Variants in SGCD observed in about 807,000 individuals in gnomAD.
The protein encoded by SGCD is delta-sarcoglycan.
In SGCD, 18 loss-of-function variants were observed where a neutral mutation model predicts 36.6. The observed-to-expected ratio is 0.49, with a 90% CI of 0.34 to 0.73. The LOEUF is 0.73. SGCD is among the 30% of genes least tolerant of loss of function. SGCD has a pLI of 0.01. For missense variants in SGCD, 387 were observed against 346.7 expected (o/e 1.12, Z -0.92); for synonymous variants, 133 against 130.6 (o/e 1.02, Z -0.12).
intron 3 of SGCD, chr5:156,393,625 T>C (rs1216716603): frequency 2.4e-6 from 1 of 418,498 alleles, no homozygotes; most frequent in Non-Finnish European, 4.9e-6. Flanking sequence ...AGGTTGAAAT[T>C]GGCCATAGTG....
chr5:156,263,559 C>G (rs1765923302), intron 3 of SGCD, among the ~76,000 whole-genome samples: 2 of 152,018 alleles, frequency 1.3e-5, no homozygotes, highest in Admixed American at 1.3e-4. Context: ...CTTTATTTTG[C>G]TGATTGTTTC....
intron 3 of SGCD, among the ~76,000 whole-genome samples, chr5:156,229,297 T>TATACATATATATATATATATATATAA (rs1554085621): frequency 1.7e-5 from 2 of 119,880 alleles, no homozygotes; most frequent in Non-Finnish European, 3.4e-5. Context: ...TATATATATA[T>TATACATATATATATATATATATATAA]ATAAAATTAG....
At chr5:156,100,993 G>A (rs1156883219) in intron 1 of SGCD, among the ~76,000 whole-genome samples, 1 of 152,132 alleles carries the variant, frequency 6.6e-6, no homozygotes, top group African/African-American at 2.4e-5. Context: ...TAGGCCTGGA[G>A]AGTGGAGCCC....
chr5:156,265,326 T>C (rs907686823), intron 3 of SGCD, among the ~76,000 whole-genome samples: 5 of 152,244 alleles, frequency 3.3e-5, no homozygotes, highest in South Asian at 2.1e-4. Context: ...GTATTAGTGA[T>C]GGATAGGAAG....
intron 3 of SGCD, among the ~76,000 whole-genome samples, chr5:156,169,883 C>A (rs1763301907): frequency 1.3e-5 from 2 of 152,100 alleles, no homozygotes; most frequent in Non-Finnish European, 2.9e-5. Flanking sequence ...GGCATTCACA[C>A]CATAGAGAGC....
chr5:156,394,165 T>C (rs986855821), intron 3 of SGCD, among the ~76,000 whole-genome samples: 3 of 152,176 alleles, frequency 2.0e-5, no homozygotes, highest in African/African-American at 7.2e-5. Flanking sequence ...GATTTAGTCA[T>C]GTCTGGATCA....
At chr5:156,090,146 G>T (rs1290787733) in intron 1 of SGCD, among the ~76,000 whole-genome samples, 1 of 152,054 alleles carries the variant, frequency 6.6e-6, no homozygotes, top group East Asian at 1.9e-4. Context: ...TGGAGGCCTG[G>T]GTAGGCACAG....
At chr5:155,796,167 A>G in the SGCD span, among the ~76,000 whole-genome samples, 1 of 152,220 alleles carries the variant, frequency 6.6e-6, no homozygotes. Context: ...CCAAGTGTGT[A>G]CAAATCATCA....
intron 1 of SGCD, among the ~76,000 whole-genome samples, chr5:156,048,799 C>A (rs1224466059): frequency 2.0e-5 from 3 of 152,034 alleles, no homozygotes; most frequent in African/African-American, 4.8e-5. Context: ...ATGGTAGTTT[C>A]TTTTGCTGCG....
chr5:156,412,596 G>A (rs1221165862), intron 3 of SGCD, among the ~76,000 whole-genome samples: 1 of 152,148 alleles, frequency 6.6e-6, no homozygotes, highest in Non-Finnish European at 1.5e-5. Context: ...AGTCTTACTT[G>A]TAACAAACAT....
intron 7 of SGCD, among the ~76,000 whole-genome samples, chr5:156,737,085 A>G (rs1581500576): frequency 6.6e-6 from 1 of 152,346 alleles, no homozygotes; most frequent in Middle Eastern, 3.4e-3. Flanking sequence ...TATCCAATAG[A>G]TAACCATTTA....
chr5:156,009,871 G>A (rs548813104), intron 1 of SGCD, among the ~76,000 whole-genome samples: 2 of 152,258 alleles, frequency 1.3e-5, no homozygotes, highest in South Asian at 4.1e-4. Flanking sequence ...CCTTTGAAAT[G>A]CGCATCCTCA....
At chr5:156,498,660 C>T (rs1756308310) in intron 3 of SGCD, among the ~76,000 whole-genome samples, 1 of 152,156 alleles carries the variant, frequency 6.6e-6, no homozygotes, top group East Asian at 1.9e-4. Flanking sequence ...TTTACTTATC[C>T]ATTCATCAGT....
At chr5:156,662,019 C>CT (rs1763953827) in intron 7 of SGCD, among the ~76,000 whole-genome samples, 1 of 131,860 alleles carries the variant, frequency 7.6e-6, no homozygotes, top group Non-Finnish European at 1.6e-5. Context: ...GGGATCTATT[C>CT]TATTTATTTG....
intron 1 of SGCD, among the ~76,000 whole-genome samples, chr5:156,075,604 A>T (rs1760756341): frequency 6.6e-6 from 1 of 152,200 alleles, no homozygotes; most frequent in South Asian, 2.1e-4. Context: ...GATATTTTAT[A>T]ATGGTTAATA....
intron 7 of SGCD, among the ~76,000 whole-genome samples, chr5:156,755,974 G>A (rs1757320324): frequency 6.6e-6 from 1 of 152,134 alleles, no homozygotes; most frequent in Admixed American, 6.5e-5. Context: ...GGATCTTACT[G>A]GTCAGCTTGC....
At chr5:156,604,719 GCACATTATATATGTATATATACATATATA>G (rs1158852878) in intron 6 of SGCD, among the ~76,000 whole-genome samples, 3 of 23,466 alleles carry the variant, frequency 1.3e-4, no homozygotes, top group African/African-American at 2.1e-4. Context: ...TGAAATATAT[GCACATTATATATGTATATATACATATATA>G]CACATTTTAT....
At chr5:156,101,716 C>A (rs1761520061) in intron 1 of SGCD, among the ~76,000 whole-genome samples, 1 of 152,114 alleles carries the variant, frequency 6.6e-6, no homozygotes, top group Non-Finnish European at 1.5e-5. Context: ...GACACTGTAG[C>A]TTCTGGCTGT....
chr5:156,753,977 G>C (rs1207504641), intron 7 of SGCD, among the ~76,000 whole-genome samples: 1 of 152,218 alleles, frequency 6.6e-6, no homozygotes, highest in African/African-American at 2.4e-5. Context: ...ATTAAGCTGG[G>C]CTGTAAAACA....
Sources: gnomAD v4.1 joint callset for allele counts (sites outside exome capture counted in the v4.1 genomes callset) on GRCh38, gnomAD v4.1.1 for gene constraint, MANE v1.5 for transcripts, NCBI Gene and HGNC (gene_info 2026-07-23, HGNC 2026-07-21) for gene names.